Variants in MLXIPL observed in about 807,000 individuals in gnomAD.
The protein encoded by MLXIPL is MLX interacting protein like, also known as carbohydrate-responsive element-binding protein.
Under a neutral mutation model 81.5 loss-of-function variants are expected in MLXIPL, and 49 were observed. The observed-to-expected ratio is 0.60, with a 90% CI of 0.48 to 0.76. MLXIPL has a LOEUF of 0.76. Ranked by LOEUF, MLXIPL falls within the 30% of genes least tolerant of loss-of-function variation. MLXIPL has a pLI of 0.00. For synonymous variants in MLXIPL, 466 were observed against 485.5 expected (o/e 0.96, Z 0.53); for missense variants, 1,053 against 1,167.0 (o/e 0.90, Z 1.42).
upstream of MLXIPL, among the ~76,000 whole-genome samples, chr7:73,626,406 G>T (rs542389231): frequency 2.2e-4 from 33 of 152,204 alleles, no homozygotes; most frequent in Admixed American, 1.8e-3. Context: ...GGGCCAAAGC[G>T]ATCCTCCCAC....
the MLXIPL span, among the ~76,000 whole-genome samples, chr7:73,637,465 ACT>A: frequency 6.7e-6 from 1 of 149,430 alleles, no homozygotes; most frequent in Non-Finnish European, 1.5e-5. Flanking sequence ...ACAGAGTGAG[ACT>A]CTGTCTGGAA....
rs79212929 is a variant in MLXIPL, at chr7:73,614,530, G to T, written c.400+1541C>A. The stretch of plus-strand genomic sequence containing the variant: ...GCGAGGACAGAGAATACTGCGTGTG[G>T]TCTCTCCTGGGCTTTGCATTCCCAG... On this transcript the variant is annotated intron_variant, in intron 2 of 16. Transcript: ENST00000313375. Among the ~76,000 whole-genome samples the T allele has an allele frequency of 9.2e-5, 14 of 152,278 alleles. No individual in the cohort carries two copies. The East Asian group carries it at 2.7e-3, about 29-fold the overall frequency.
chr7:73,597,591 G>T lies in MLXIPL; in HGVS notation c.1194C>A (p.Tyr398Ter). ...GGCCTGGCACCTTGGCAGGGGGAGG[G>T]TAATGCAGCAGAGGTGGGGGTACAG... Reference protein sequence around the residue: ...PPPVPPPLLHYPPPAKVPGLE... With the variant: ...PPPVPPPLLH Residue 398 changes from tyrosine (Y) to a stop codon, truncating the protein, a stop_gained, in exon 9 of 17, where the codon TAC (tyrosine) becomes TAA (stop). Transcript: ENST00000313375. LOFTEE classifies it high-confidence loss of function. 1.1e-6 allele frequency: 1 copy of T among 926,226 alleles called. No individual in the cohort carries two copies. The highest frequency in any genetic ancestry group is 1.3e-6 in the Non-Finnish European group (1 of 748,704). 57.4% of individuals were successfully genotyped at this position (926,226 alleles called of 1,614,324 possible).
intron 15 of MLXIPL, 81 bp from the exon 16 acceptor site, chr7:73,594,484 G>A: frequency 6.4e-7 from 1 of 1,550,936 alleles, no homozygotes; most frequent in Non-Finnish European, 8.8e-7. Context: ...GTTCAAACCA[G>A]GGGAAGAAAG....
intron 1 of MLXIPL, among the ~76,000 whole-genome samples, chr7:73,621,534 A>T (rs1380176621): frequency 6.6e-6 from 1 of 151,808 alleles, no homozygotes; most frequent in Non-Finnish European, 1.5e-5. Flanking sequence ...AGCTCCTGTA[A>T]TCTGCTCCCC....
intron 1 of MLXIPL, among the ~76,000 whole-genome samples, chr7:73,617,126 G>A (rs1366166126): frequency 2.0e-5 from 3 of 151,994 alleles, no homozygotes; most frequent in Admixed American, 1.3e-4. Flanking sequence ...AACAATTCTC[G>A]TGCCTCGGCC....
chr7:73,597,516 A>G lies in MLXIPL; in HGVS notation c.1269T>C (p.Ala423=), dbSNP rs1294728726. ...PPFPPMAPPT[A]LLQEEPLFSP... ...AGAAGAGAGGCTCTTCCTGCAGCAA[A>G]GCAGTGGGTGGTGCCATGGGAGGGA... is the stretch of plus-strand genomic sequence containing the variant. The change falls in exon 9 of 17, where the codon GCT becomes GCC. Residue 423 remains alanine, a synonymous_variant. Transcript: ENST00000313375. 14 of 1,383,422 alleles carry G rather than the reference A, an allele frequency of 1.0e-5. No homozygotes were observed. The highest frequency in any genetic ancestry group is 1.3e-5 in the Non-Finnish European group (14 of 1,066,106). 85.7% of individuals were successfully genotyped at this position (1,383,422 alleles called of 1,614,324 possible).
rs782217651 is a variant in MLXIPL at position 73,624,253 on chromosome 7, G to A, written c.240C>T (p.Arg80=). 1 of 1,596,822 alleles carries A rather than the reference G, an allele frequency of 6.3e-7. No individual in the cohort carries two copies. The highest frequency in any genetic ancestry group is 1.3e-5 in the African/African-American group (1 of 74,502). Residue 80 remains arginine (R), a synonymous_variant, in exon 1 of 17, where the codon CGC becomes CGT. Transcript: ENST00000313375. ...GSVGPSDFGP[R]SIDPTLTRLF... Reference sequence around the variant, plus strand: ...GGCGTGTGAGTGTGGGGTCGATACTGCGCGGCCCGAAGTCGGAGGGCCCCA... The same window carrying A: ...GGCGTGTGAGTGTGGGGTCGATACTACGCGGCCCGAAGTCGGAGGGCCCCA...
upstream of MLXIPL, chr7:73,624,666 C>G (rs555112384): frequency 7.8e-7 from 1 of 1,275,598 alleles, no homozygotes; most frequent in East Asian, 3.1e-5. Context: ...AGGTGAGAAC[C>G]CGGTGCTCTG....
rs1554593585 is a variant in MLXIPL at position 73,595,957 on chromosome 7, T to C, written c.2071A>G (p.Thr691Ala). The C allele has an allele frequency of 6.2e-7, 1 of 1,612,968 alleles. No individual in the cohort carries two copies. Among genetic ancestry groups the C allele is most frequent in the Non-Finnish European group, 8.5e-7 (1 of 1,179,996 alleles). ...AQPSLKVSKA[T>A]TLQKTAEYIL... ...TACTCAGCTGTCTTCTGCAGCGTGGTAGCTTTGCTCACCTGCAGACGCCAC... is the reference window on the plus strand; with the variant it reads ...TACTCAGCTGTCTTCTGCAGCGTGGCAGCTTTGCTCACCTGCAGACGCCAC... Residue 691 changes from threonine to alanine, a missense_variant, in exon 14 of 17, where the codon ACC (threonine) becomes GCC (alanine). Around this residue, in one of 3 missense-constraint regions of MLXIPL, gnomAD observed 823 missense variants for 933.0 expected, o/e 0.88. Transcript: ENST00000313375.
upstream of MLXIPL, among the ~76,000 whole-genome samples, chr7:73,626,095 C>T (rs893647164): frequency 3.3e-5 from 5 of 152,046 alleles, no homozygotes; most frequent in South Asian, 1.0e-3. Context: ...CCTCTGCCTC[C>T]CTGGTTCAAG....
At chr7:73,639,367 G>C in the MLXIPL span, among the ~76,000 whole-genome samples, 1 of 152,214 alleles carries the variant, frequency 6.6e-6, no homozygotes, top group South Asian at 2.1e-4. Flanking sequence ...AGTGTGCAAA[G>C]ATGAACAAAG....
the MLXIPL span, among the ~76,000 whole-genome samples, chr7:73,640,995 C>G: frequency 6.6e-6 from 1 of 151,822 alleles, no homozygotes; most frequent in Admixed American, 6.6e-5. Flanking sequence ...CAATCTCATT[C>G]TGAGGGGCCT....
At chr7:73,630,187 C>T in the MLXIPL span, among the ~76,000 whole-genome samples, 503 of 150,040 alleles carry the variant, frequency 3.4e-3, 9 homozygotes, top group Admixed American at 0.031. Context: ...TTAGTACAGG[C>T]GGGGTTTCAC....
At chr7:73,645,641 C>T in the MLXIPL span, among the ~76,000 whole-genome samples, 5 of 152,166 alleles carry the variant, frequency 3.3e-5, no homozygotes, top group Non-Finnish European at 7.3e-5. Flanking sequence ...CATGTTGCTT[C>T]CAGACCTCCT....
At chr7:73,628,701 G>T (rs539227494), upstream of MLXIPL, among the ~76,000 whole-genome samples, 19 of 152,358 alleles carry the variant, frequency 1.2e-4, no homozygotes, top group East Asian at 3.3e-3. Context: ...CCATTGCCCA[G>T]ATAATAGCAC....
upstream of MLXIPL, among the ~76,000 whole-genome samples, chr7:73,629,276 G>A (rs1156943444): frequency 3.3e-5 from 5 of 151,900 alleles, no homozygotes; most frequent in African/African-American, 7.3e-5. Context: ...TCCTAACCTC[G>A]TGATCCACCC....
chr7:73,595,656 T>A lies in MLXIPL; in HGVS notation c.2291A>T (p.His764Leu). 1 of 1,614,166 alleles carries A rather than the reference T, an allele frequency of 6.2e-7. No homozygotes were observed. The highest frequency in any genetic ancestry group is 1.1e-5 in the South Asian group (1 of 91,088). The change falls in exon 15 of 17, where the codon CAC becomes CTC. Residue 764 changes from histidine (H) to leucine (L), a missense_variant. Coordinates refer to ENST00000313375, the MANE Select transcript of MLXIPL (RefSeq NM_032951.3). ...FDDYVRTRTL[H>L]NWKFWVFSIL... ...GGATACCACCCAGAACTTCCAGTTG[T>A]GCAGCGTACGGGTTCGGACGTAGTC...
the MLXIPL span, among the ~76,000 whole-genome samples, chr7:73,640,466 TAA>T: frequency 8.0e-6 from 1 of 124,984 alleles, no homozygotes; most frequent in Non-Finnish European, 1.7e-5. Context: ...GTAAAGAAAA[TAA>T]GAAGAGGCAG....
Sources: allele counts gnomAD v4.1 joint callset (sites outside exome capture counted in the v4.1 genomes callset), GRCh38; gene constraint gnomAD v4.1.1; regional missense constraint gnomAD v4.1.1; transcripts MANE v1.5; gene names NCBI Gene and HGNC (gene_info 2026-07-23, HGNC 2026-07-21).